LRCH2: variants seen among roughly 807,000 people sequenced by gnomAD.
LRCH2 encodes the protein leucine rich repeats and calponin homology domain containing 2.
In LRCH2, 38 loss-of-function variants were observed where a neutral mutation model predicts 68.9. That is an observed-to-expected ratio of 0.55 (90% CI 0.43 to 0.72). The LOEUF is 0.72. Among genes scored for constraint, LRCH2 ranks in the 30% least tolerant of loss-of-function variants. The probability of loss-of-function intolerance (pLI) is 0.00; values close to 1 mark genes in which losing one functional copy is unlikely to be tolerated. For synonymous variants in LRCH2, 191 were observed against 208.1 expected (o/e 0.92, Z 0.71); for missense variants, 528 against 572.9 (o/e 0.92, Z 0.80).
intron 20 of LRCH2, among the ~76,000 whole-genome samples, chrX:115,117,647 C>T (rs781924944): frequency 2.7e-5 from 3 of 111,356 alleles, no homozygotes; most frequent in Non-Finnish European, 5.7e-5. Context: ...TGCAACAACA[C>T]TGACGAGTCA....
At chrX:115,147,771 T>A (rs1396852973) in intron 14 of LRCH2, among the ~76,000 whole-genome samples, 1 of 111,406 alleles carries the variant, frequency 9.0e-6, no homozygotes, top group African/African-American at 3.3e-5. Flanking sequence ...TTTTAAACAC[T>A]AAAAGTGGGC....
chrX:115,234,022 C>A lies in LRCH2; in HGVS notation c.20G>T (p.Gly7Val). The change falls in exon 1 of 21, where the codon GGA becomes GTA. Residue 7 changes from glycine to valine, a missense_variant. Coordinates refer to ENST00000317135, the MANE Select transcript of LRCH2 (RefSeq NM_020871.4). MAASQG[G>V]GGNSGGGGCG... Reference sequence around the variant, plus strand: ...ACCGCCGCCCCCACTGTTACCGCCTCCTCCCTGACTCGCCGCCATGTTCCT... The same window carrying A: ...ACCGCCGCCCCCACTGTTACCGCCTACTCCCTGACTCGCCGCCATGTTCCT... 8.6e-7 allele frequency: 1 copy of A among 1,166,551 alleles called. No homozygotes were observed. The highest frequency in any genetic ancestry group is 1.1e-6 in the Non-Finnish European group (1 of 872,715).
At chrX:115,227,619 C>A (rs1236067118) in intron 1 of LRCH2, among the ~76,000 whole-genome samples, 1 of 107,929 alleles carries the variant, frequency 9.3e-6, no homozygotes. Flanking sequence ...AACCAAGTAG[C>A]TCAAAATACT....
intron 1 of LRCH2, chrX:115,191,496 G>T: frequency 8.8e-7 from 1 of 1,134,527 alleles, no homozygotes. Context: ...GAGGCCGCTC[G>T]CCTGATGCCT....
chrX:115,115,466 C>A (rs782337408), intron 20 of LRCH2, among the ~76,000 whole-genome samples: 5 of 110,509 alleles, frequency 4.5e-5, no homozygotes, highest in Admixed American at 9.7e-5. Context: ...AGAGTCTTAT[C>A]AACAAATGGT....
chrX:115,203,506 C>A (rs2072943899), intron 1 of LRCH2, among the ~76,000 whole-genome samples: 1 of 112,312 alleles, frequency 8.9e-6, no homozygotes, highest in African/African-American at 3.2e-5. Flanking sequence ...TGCCTATGAG[C>A]CTGTAAAATC....
chrX:115,195,297 T>C (rs782056507), intron 1 of LRCH2, among the ~76,000 whole-genome samples: 2 of 105,845 alleles, frequency 1.9e-5, no homozygotes, highest in Admixed American at 1.0e-4. Flanking sequence ...AAAAAAAAAA[T>C]TGAAAGTTGT....
intron 20 of LRCH2, 42 bp downstream of exon 20, chrX:115,122,485 T>A (rs1556526302): frequency 9.1e-7 from 1 of 1,094,079 alleles, no homozygotes; most frequent in African/African-American, 1.8e-5. Context: ...ATGTAATAAA[T>A]TCAAATTTAA....
chrX:115,123,028 C>A (rs1556526540), intron 18 of LRCH2, 52 bp downstream of exon 18: 1 of 1,131,746 alleles, frequency 8.8e-7, no homozygotes, highest in Non-Finnish European at 1.2e-6. Flanking sequence ...TATTAATTTT[C>A]CAAGTTAAAC....
chrX:115,145,345 A>G (rs143291034), intron 14 of LRCH2, among the ~76,000 whole-genome samples: 1,721 of 111,675 alleles, frequency 0.015, 34 homozygotes, highest in African/African-American at 0.054. Context: ...TAAAACTGCT[A>G]TAAGAAAACA....
At chrX:115,117,670 G>A (rs2072095152) in intron 20 of LRCH2, among the ~76,000 whole-genome samples, 1 of 111,345 alleles carries the variant, frequency 9.0e-6, no homozygotes, top group African/African-American at 3.3e-5. Context: ...AAATAATTAT[G>A]CTGAGTGAAA....
chrX:115,206,777 C>A (rs2072970760), intron 1 of LRCH2, among the ~76,000 whole-genome samples: 1 of 109,424 alleles, frequency 9.1e-6, no homozygotes, highest in Non-Finnish European at 1.9e-5. Flanking sequence ...GGGTTAGGGT[C>A]TCCACAACTG....
chrX:115,160,042 G>C (rs1170360319), intron 11 of LRCH2, among the ~76,000 whole-genome samples: 1 of 111,413 alleles, frequency 9.0e-6, no homozygotes, highest in Non-Finnish European at 1.9e-5. Flanking sequence ...GAACTGCCAG[G>C]CGTGGTGGCT....
At chrX:115,133,930 G>A (rs1260891002) in intron 14 of LRCH2, among the ~76,000 whole-genome samples, 2 of 112,292 alleles carry the variant, frequency 1.8e-5, no homozygotes, top group Non-Finnish European at 3.8e-5. Flanking sequence ...AGGAAGACAT[G>A]TAGAAAGCAG....
At chrX:115,213,901 A>G (rs1323909587) in intron 1 of LRCH2, among the ~76,000 whole-genome samples, 1 of 112,171 alleles carries the variant, frequency 8.9e-6, no homozygotes, top group Non-Finnish European at 1.9e-5. Flanking sequence ...AATCCCTAGA[A>G]GAAATAATCA....
At chrX:115,156,464 A>G (rs1409940289) in intron 12 of LRCH2, 138 bp downstream of exon 12, 1 of 357,569 alleles carries the variant, frequency 2.8e-6, no homozygotes, top group Non-Finnish European at 4.7e-6. Context: ...ATGTTCTAAA[A>G]CATTTCCTAT....
intron 6 of LRCH2, among the ~76,000 whole-genome samples, chrX:115,168,339 C>T (rs1450769144): frequency 9.0e-6 from 1 of 111,468 alleles, no homozygotes. Context: ...TGACAACCCA[C>T]TCTATAGACC....
Position 115,113,213 on chromosome X carries a change from A to G in LRCH2, c.*3T>C. 2 of 1,184,349 alleles carry G rather than the reference A, an allele frequency of 1.7e-6. No individual in the cohort carries two copies. Among genetic ancestry groups the G allele is most frequent in the African/African-American group, 1.8e-5 (1 of 57,053 alleles). On this transcript the variant is annotated 3_prime_UTR_variant, in exon 21 of 21. Coordinates refer to ENST00000317135, the MANE Select transcript of LRCH2 (RefSeq NM_020871.4). The stretch of plus-strand genomic sequence containing the variant: ...TATACACTTAGAATTTTAAAATGTT[A>G]TATTAAGCCACAGAAAGCTGAGATG...
chrX:115,212,538 C>T (rs782320646), intron 1 of LRCH2, among the ~76,000 whole-genome samples: 5 of 111,392 alleles, frequency 4.5e-5, no homozygotes, highest in Admixed American at 2.9e-4. Context: ...CTTGCTTTGT[C>T]GCCCAGGCTG....
Sources: allele counts gnomAD v4.1 joint callset (sites outside exome capture counted in the v4.1 genomes callset), GRCh38; gene constraint gnomAD v4.1.1; transcripts MANE v1.5; gene names NCBI Gene and HGNC (gene_info 2026-07-23, HGNC 2026-07-21).